Variants in ACBD6 observed in about 807,000 individuals in gnomAD.
ACBD6 encodes acyl-CoA binding domain containing 6.
A neutral mutation model predicts 37.2 loss-of-function variants in ACBD6; 28 were observed. That is an observed-to-expected ratio of 0.75 (90% CI 0.56 to 1.03). The LOEUF (loss-of-function observed/expected upper bound fraction) is 1.03. ACBD6 is among the 50% of genes least tolerant of loss of function. ACBD6 has a pLI of 0.00. For synonymous variants in ACBD6, 113 were observed against 126.8 expected, an observed-to-expected ratio of 0.89 and a Z score of 0.73; for missense variants, 340 against 337.4, an observed-to-expected ratio of 1.01 and a Z score of -0.06.
chr1:180,292,948 T>G (rs1471745827), intron 7 of ACBD6, among the ~76,000 whole-genome samples: 1 of 152,194 alleles, frequency 6.6e-6, no homozygotes, highest in Admixed American at 6.5e-5. Context: ...TGAAGGGAAG[T>G]TGAATTTTGT....
At chr1:180,360,082 G>C (rs1266223408) in intron 6 of ACBD6, among the ~76,000 whole-genome samples, 9 of 152,042 alleles carry the variant, frequency 5.9e-5, no homozygotes, top group Admixed American at 1.3e-4. Context: ...TTTTTTAATA[G>C]GATATAAACA....
At chr1:180,391,397 A>G (rs1654072194) in intron 6 of ACBD6, among the ~76,000 whole-genome samples, 1 of 152,192 alleles carries the variant, frequency 6.6e-6, no homozygotes, top group Non-Finnish European at 1.5e-5. Context: ...GTATCTGCAA[A>G]TCACACATCT....
intron 3 of ACBD6, among the ~76,000 whole-genome samples, chr1:180,489,740 T>C (rs1348973083): frequency 6.8e-6 from 1 of 147,118 alleles, no homozygotes; most frequent in Non-Finnish European, 1.5e-5. Context: ...CACTGCAACC[T>C]CTGCCTCCCG....
exon 14 of ACBD6, chr1:180,270,910 G>GTAT: frequency 4.1e-6 from 1 of 246,516 alleles, no homozygotes; most frequent in South Asian, 4.9e-5. Flanking sequence ...CGACGCCAGG[G>GTAT]CAAAGGTGAC....
intron 6 of ACBD6, among the ~76,000 whole-genome samples, chr1:180,377,949 A>AAATAATAAT (rs71118455): frequency 0.061 from 8,705 of 143,316 alleles, 346 homozygotes; most frequent in Non-Finnish European, 0.077. Context: ...CTCTGTCTCA[A>AAATAATAAT]AATAATAATA....
intron 9 of ACBD6, among the ~76,000 whole-genome samples, chr1:180,279,601 C>T (rs1449774285): frequency 6.6e-6 from 1 of 152,072 alleles, no homozygotes; most frequent in Admixed American, 6.6e-5. Context: ...CCCGGCCTGT[C>T]CAGTAGCATT....
chr1:180,415,765 G>A (rs16855990), intron 4 of ACBD6, among the ~76,000 whole-genome samples: 9,639 of 152,192 alleles, frequency 0.063, 941 homozygotes, highest in African/African-American at 0.21. Context: ...ACTTCCAAAT[G>A]TGCATGTATA....
chr1:180,380,141 G>C (rs1653582347), intron 6 of ACBD6, among the ~76,000 whole-genome samples: 1 of 152,066 alleles, frequency 6.6e-6, no homozygotes, highest in Non-Finnish European at 1.5e-5. Flanking sequence ...CTCATCTGCA[G>C]TCCCAGCTAC....
chr1:180,271,612 G>A, exon 14 of ACBD6: 1 of 1,566,002 alleles, frequency 6.4e-7, no homozygotes, highest in Non-Finnish European at 8.8e-7. Flanking sequence ...AGTGACATCA[G>A]CTCACGGGTG....
chr1:180,286,786 T>C (rs574877506), downstream of ACBD6, among the ~76,000 whole-genome samples: 9 of 152,318 alleles, frequency 5.9e-5, no homozygotes, highest in African/African-American at 2.2e-4. Context: ...GAAGTTAAGA[T>C]AGAAAAATCA....
chr1:180,450,153 T>C (rs1156987003), intron 3 of ACBD6, among the ~76,000 whole-genome samples: 1 of 152,226 alleles, frequency 6.6e-6, no homozygotes, highest in Non-Finnish European at 1.5e-5. Flanking sequence ...TTTAGTTTAC[T>C]GAAAGTTAAA....
intron 6 of ACBD6, among the ~76,000 whole-genome samples, chr1:180,337,165 C>T (rs2149304039): frequency 6.6e-6 from 1 of 152,276 alleles, no homozygotes; most frequent in Non-Finnish European, 1.5e-5. Context: ...AGGCCAGCAT[C>T]ATCCTGATAC....
chr1:180,459,137 A>C (rs1650028847), intron 3 of ACBD6, among the ~76,000 whole-genome samples: 1 of 152,198 alleles, frequency 6.6e-6, no homozygotes, highest in Non-Finnish European at 1.5e-5. Flanking sequence ...GGTTCATTAG[A>C]CAATCTGGTA....
At chr1:180,430,567 T>C (rs1041171974) in intron 3 of ACBD6, among the ~76,000 whole-genome samples, 5 of 151,982 alleles carry the variant, frequency 3.3e-5, no homozygotes, top group African/African-American at 1.2e-4. Context: ...ATATGGATGT[T>C]CAGGTGAGAA....
At chr1:180,472,666 A>G (rs1424250149) in intron 3 of ACBD6, among the ~76,000 whole-genome samples, 2 of 152,228 alleles carry the variant, frequency 1.3e-5, no homozygotes, top group Non-Finnish European at 2.9e-5. Flanking sequence ...CAGGAATGCT[A>G]AAGAAAAAAG....
At chr1:180,398,386 A>G (rs956831590) in intron 5 of ACBD6, among the ~76,000 whole-genome samples, 14 of 152,220 alleles carry the variant, frequency 9.2e-5, no homozygotes, top group African/African-American at 3.4e-4. Flanking sequence ...TAAATGTATG[A>G]TAACTAAATT....
chr1:180,477,212 G>C (rs2102065527), intron 3 of ACBD6, among the ~76,000 whole-genome samples: 1 of 152,180 alleles, frequency 6.6e-6, no homozygotes, highest in South Asian at 2.1e-4. Flanking sequence ...GTTACTTCTG[G>C]AATTTTCCAC....
intron 1 of ACBD6, among the ~76,000 whole-genome samples, chr1:180,500,132 T>TAAAAAAAAAA (rs778814281): frequency 7.5e-6 from 1 of 133,316 alleles, no homozygotes; most frequent in African/African-American, 2.7e-5. Context: ...CTTTTTTAGT[T>TAAAAAAAAAA]AAAAAAAAAA....
chr1:180,303,648 T>C (rs1650228496), intron 7 of ACBD6, among the ~76,000 whole-genome samples: 1 of 150,506 alleles, frequency 6.6e-6, no homozygotes, highest in Admixed American at 6.6e-5. Flanking sequence ...CAGGACCAGA[T>C]GGATTCACAG....
Sources: allele counts gnomAD v4.1 joint callset (sites outside exome capture counted in the v4.1 genomes callset), GRCh38; gene constraint gnomAD v4.1.1; transcripts MANE v1.5; gene names NCBI Gene and HGNC (gene_info 2026-07-23, HGNC 2026-07-21).